ELMOD1: variants seen among roughly 807,000 people sequenced by gnomAD.
ELMOD1 encodes ELMO domain-containing protein 1.
ELMOD1 carries 21 observed loss-of-function variants against 46.7 expected under a neutral mutation model. The observed-to-expected ratio is 0.45, with a 90% CI of 0.32 to 0.65. The LOEUF is 0.65. ELMOD1 is among the 30% of genes least tolerant of loss of function. The pLI, the probability that ELMOD1 is intolerant of heterozygous loss-of-function variation, is 0.04. For synonymous variants in ELMOD1, 122 were observed against 138.2 expected (o/e 0.88, Z 0.82); for missense variants, 348 against 407.8 (o/e 0.85, Z 1.26).
At chr11:107,606,344 G>T (rs1865684487) in intron 1 of ELMOD1, among the ~76,000 whole-genome samples, 1 of 152,206 alleles carries the variant, frequency 6.6e-6, no homozygotes, top group Admixed American at 6.5e-5. Flanking sequence ...TCACATGGCA[G>T]GTGGCTTACC....
chr11:107,631,405 C>CA, intron 4 of ELMOD1, among the ~76,000 whole-genome samples, 175 bp from the exon 5 acceptor site: 1 of 147,884 alleles, frequency 6.8e-6, no homozygotes, highest in Admixed American at 6.7e-5. Context: ...CTACCCCCCC[C>CA]CCCATCGTGA....
At chr11:107,654,737 C>T (rs1866594864) in intron 10 of ELMOD1, among the ~76,000 whole-genome samples, 1 of 147,680 alleles carries the variant, frequency 6.8e-6, no homozygotes, top group Non-Finnish European at 1.5e-5. Context: ...CCACTGCACT[C>T]CAGCCTGGGC....
At chr11:107,595,394 A>C (rs1865476084) in intron 1 of ELMOD1, among the ~76,000 whole-genome samples, 1 of 152,154 alleles carries the variant, frequency 6.6e-6, no homozygotes, top group Admixed American at 6.5e-5. Flanking sequence ...ATGTTTGCCA[A>C]ACACATTCTG....
chr11:107,597,034 A>G (rs574791133), intron 1 of ELMOD1, among the ~76,000 whole-genome samples: 2 of 152,302 alleles, frequency 1.3e-5, no homozygotes, highest in South Asian at 2.1e-4. Context: ...TTGATCAGCT[A>G]CATCCAAAGA....
chr11:107,597,836 A>G (rs1167636673), intron 1 of ELMOD1, among the ~76,000 whole-genome samples: 1 of 152,190 alleles, frequency 6.6e-6, no homozygotes, highest in Non-Finnish European at 1.5e-5. Flanking sequence ...TTCTTTAATA[A>G]TCTAAGATCA....
chr11:107,631,659 A>C lies in ELMOD1; in HGVS notation c.272A>C (p.Asn91Thr), dbSNP rs1279151301. 2 of 1,540,452 alleles carry C rather than the reference A, an allele frequency of 1.3e-6. No homozygotes were observed. Among genetic ancestry groups the C allele is most frequent in the Non-Finnish European group, 1.8e-6 (2 of 1,136,870 alleles). Residue 91 changes from asparagine to threonine, a missense_variant, in exon 5 of 12, where the codon AAT becomes ACT. By Grantham distance (65) the Asn-to-Thr change is moderately conservative. Coordinates refer to ENST00000265840, the MANE Select transcript of ELMOD1 (RefSeq NM_018712.4). Reference protein sequence around the residue: ...IEDIMELKKINPDVNPQLGIS... With the variant: ...IEDIMELKKITPDVNPQLGIS... ...GATATCATGGAACTGAAAAAAATTAATCCTGACGTAAATCCACAGTAAGAA... is the reference window on the plus strand; with the variant it reads ...GATATCATGGAACTGAAAAAAATTACTCCTGACGTAAATCCACAGTAAGAA...
At chr11:107,629,451 A>G (rs1416889949) in intron 2 of ELMOD1, among the ~76,000 whole-genome samples, 2 of 152,236 alleles carry the variant, frequency 1.3e-5, no homozygotes, top group East Asian at 1.9e-4. Flanking sequence ...TAGGTTGACT[A>G]TATAAGTTCC....
At chr11:107,608,034 GAAAA>G (rs1232172177) in intron 1 of ELMOD1, among the ~76,000 whole-genome samples, 1 of 123,520 alleles carries the variant, frequency 8.1e-6, no homozygotes, top group African/African-American at 3.0e-5. Flanking sequence ...AAAAAAAAAA[GAAAA>G]AAAAAAGAAA....
At chr11:107,608,305 C>A (rs1009914399) in intron 1 of ELMOD1, among the ~76,000 whole-genome samples, 3 of 151,882 alleles carry the variant, frequency 2.0e-5, no homozygotes, top group African/African-American at 7.3e-5. Context: ...TATATATCTC[C>A]TAGGTGATTT....
At chr11:107,599,586 A>C (rs897051925) in intron 1 of ELMOD1, among the ~76,000 whole-genome samples, 1 of 151,868 alleles carries the variant, frequency 6.6e-6, no homozygotes, top group African/African-American at 2.4e-5. Flanking sequence ...TACTACAAAT[A>C]CAAAAATTAG....
intron 2 of ELMOD1, 127 bp downstream of exon 2, chr11:107,618,333 A>G (rs1461233469): frequency 1.8e-6 from 2 of 1,104,264 alleles, no homozygotes; most frequent in East Asian, 5.2e-5. Flanking sequence ...GTGAAATAGC[A>G]CTGCATTTTT....
At chr11:107,646,742 A>C (rs1276355337) in intron 6 of ELMOD1, among the ~76,000 whole-genome samples, 2 of 152,092 alleles carry the variant, frequency 1.3e-5, no homozygotes, top group Non-Finnish European at 2.9e-5. Flanking sequence ...CTCCAAAAAA[A>C]AGCAAAAAGA....
At position 107,665,168 on chromosome 11, in the gene ELMOD1, G is replaced by C. The variant is rs201378694; in HGVS notation, c.976G>C (p.Ala326Pro). The change falls in exon 12 of 12, where the codon GCT (alanine) becomes CCT (proline). Residue 326 changes from alanine to proline, a missense_variant. Physicochemically the swap from Ala to Pro is conservative, Grantham distance 27. Coordinates refer to ENST00000265840, the MANE Select transcript of ELMOD1 (RefSeq NM_018712.4). Reference sequence around the variant, plus strand: ...AGACATGGCGCTGTGCCCACATTTTGCTGCCTCGGAAGGTTTAATCAACAT... The same window carrying C: ...AGACATGGCGCTGTGCCCACATTTTCCTGCCTCGGAAGGTTTAATCAACAT... ...NPDMALCPHF[A>P]ASEGLINM 5 of 1,613,940 alleles carry C rather than the reference G, an allele frequency of 3.1e-6. No homozygotes were observed. The East Asian group carries it at 1.1e-4, about 36-fold the overall frequency.
At chr11:107,661,581 A>G (rs1866740869) in intron 11 of ELMOD1, among the ~76,000 whole-genome samples, 1 of 152,220 alleles carries the variant, frequency 6.6e-6, no homozygotes, top group Admixed American at 6.5e-5. Context: ...CTCAGAGACC[A>G]GTCAGGAAAA....
chr11:107,593,838 T>C (rs1000002802), intron 1 of ELMOD1, among the ~76,000 whole-genome samples: 2 of 152,244 alleles, frequency 1.3e-5, no homozygotes, highest in Non-Finnish European at 2.9e-5. Flanking sequence ...TGGAAATGTT[T>C]CATTCCTCCT....
chr11:107,661,740 G>C (rs1866743020), intron 11 of ELMOD1, among the ~76,000 whole-genome samples: 1 of 152,206 alleles, frequency 6.6e-6, no homozygotes, highest in East Asian at 1.9e-4. Context: ...CTCAACTTTA[G>C]TGACACAAGT....
At chr11:107,658,874 G>T (rs181499643) in intron 11 of ELMOD1, among the ~76,000 whole-genome samples, 135 of 152,358 alleles carry the variant, frequency 8.9e-4, no homozygotes, top group South Asian at 1.4e-3. Context: ...GGTGGAGGTT[G>T]TAGTGAGCCG....
At chr11:107,635,894 T>A in intron 6 of ELMOD1, 129 bp downstream of exon 6, 1 of 928,066 alleles carries the variant, frequency 1.1e-6, no homozygotes, top group Non-Finnish European at 1.5e-6. Flanking sequence ...ACCTAACTGG[T>A]TGGTAAGGTC....
chr11:107,631,281 G>A (rs987302956), intron 4 of ELMOD1, among the ~76,000 whole-genome samples: 4 of 151,744 alleles, frequency 2.6e-5, no homozygotes, highest in Non-Finnish European at 4.4e-5. Context: ...TATGTTGGGC[G>A]AGGAAATGAA....
Sources: allele counts gnomAD v4.1 joint callset (sites outside exome capture counted in the v4.1 genomes callset), GRCh38; gene constraint gnomAD v4.1.1; transcripts MANE v1.5; gene names NCBI Gene and HGNC (gene_info 2026-07-23, HGNC 2026-07-21).